The following VDR variants were observed in gnomAD, a reference collection of about 807,000 sequenced individuals.
The protein encoded by VDR is vitamin D3 receptor.
A neutral mutation model predicts 39.7 loss-of-function variants in VDR; 19 were observed. The ratio of observed to expected loss-of-function variants is 0.48; its 90% CI spans 0.33 to 0.70. The LOEUF is 0.70. VDR is among the 30% of genes least tolerant of loss of function. VDR has a pLI of 0.02. For missense variants in VDR, 442 were observed against 570.5 expected, an observed-to-expected ratio of 0.77 and a Z score of 2.29; for synonymous variants, 242 against 215.8, an observed-to-expected ratio of 1.12 and a Z score of -1.07.
intron 1 of VDR, chr12:47,900,022 G>T: frequency 1.1e-6 from 1 of 880,468 alleles, no homozygotes; most frequent in Non-Finnish European, 1.4e-6. Flanking sequence ...ATTGGCCAAT[G>T]GGACAATCAG....
intron 3 of VDR, among the ~76,000 whole-genome samples, chr12:47,866,457 G>A (rs186885551): frequency 1.2e-3 from 176 of 152,288 alleles, no homozygotes; most frequent in Non-Finnish European, 1.8e-3. Flanking sequence ...TTAATGAGCC[G>A]CTATGAGAAG....
intron 1 of VDR, among the ~76,000 whole-genome samples, chr12:47,884,032 C>T (rs925823335): frequency 6.6e-6 from 1 of 152,218 alleles, no homozygotes; most frequent in Non-Finnish European, 1.5e-5. Context: ...CCCTCCTTTG[C>T]CCCCTCTGCT....
At position 47,847,003 on chromosome 12, in the gene VDR, G is replaced by A. The variant is rs556868193; in HGVS notation, c.756-195C>T. 7.9e-5 allele frequency among the ~76,000 whole-genome samples: 12 copies of A among 152,240 alleles called. 1 individual carries two copies. In the South Asian group the frequency reaches 2.1e-3, roughly 26 times the overall value. ...GAGAACAGTTCAACACTGTGATCAT[G>A]TGCCAAGGCCAGAAGTGAAGTAGCT... On this transcript the variant is annotated intron_variant, in intron 7 of 9. Coordinates refer to ENST00000549336, the MANE Select transcript of VDR (RefSeq NM_000376.3).
intron 3 of VDR, 122 bp from the exon 4 acceptor site, chr12:47,865,299 C>T (rs879145780): frequency 6.8e-7 from 1 of 1,463,652 alleles, no homozygotes; most frequent in South Asian, 1.2e-5. Flanking sequence ...ACATGAGGCC[C>T]ACCCCAGCTG....
At chr12:47,857,418 C>T in intron 5 of VDR, 86 bp downstream of exon 5, 1 of 1,607,744 alleles carries the variant, frequency 6.2e-7, no homozygotes, top group Non-Finnish European at 8.5e-7. Flanking sequence ...CAGGATGTCC[C>T]CTGCCCTCTG....
At chr12:47,879,307 C>T (rs986085520) in intron 2 of VDR, among the ~76,000 whole-genome samples, 192 bp from the exon 3 acceptor site, 29 of 150,872 alleles carry the variant, frequency 1.9e-4, no homozygotes, top group Non-Finnish European at 3.4e-4. Context: ...ATACATGATT[C>T]GCCCTACATA....
intron 9 of VDR, among the ~76,000 whole-genome samples, chr12:47,845,290 C>A (rs1027219134): frequency 6.6e-6 from 1 of 151,854 alleles, no homozygotes; most frequent in African/African-American, 2.4e-5. Flanking sequence ...CGTCCCGATG[C>A]GCCATGCTCT....
rs1305123989 is a variant in VDR, at chr12:47,846,355, G to T, written c.1004C>A (p.Ala335Asp). ...LHEEEHVLLM[A>D]ICIVSPDRPG... ...CATACCTGGGGAGACGATGCAGATG[G>T]CCATGAGCAGGACATGCTCCTCCTC... Residue 335 changes from alanine to aspartate, a missense_variant, in exon 9 of 10, where the codon GCC (alanine) becomes GAC (aspartate). Around this residue, in one of 5 missense-constraint regions of VDR, gnomAD observed 173 missense variants for 252.0 expected, o/e 0.69. Transcript: ENST00000549336. 6.2e-7 allele frequency: 1 copy of T among 1,605,910 alleles called. No homozygotes were observed. Among genetic ancestry groups the T allele is most frequent in the Admixed American group, 1.7e-5 (1 of 59,332 alleles).
chr12:47,871,302 C>CTTTCTTTCTTTCTT (rs1945860232), intron 3 of VDR, among the ~76,000 whole-genome samples: 1 of 120,312 alleles, frequency 8.3e-6, no homozygotes, highest in South Asian at 3.0e-4. Context: ...CTCTTTCTTT[C>CTTTCTTTCTTTCTT]TTTCTTTCTT....
intron 4 of VDR, among the ~76,000 whole-genome samples, chr12:47,857,918 G>A (rs1945527817): frequency 6.6e-6 from 1 of 152,152 alleles, no homozygotes. Flanking sequence ...TTTGAGAGGG[G>A]GGATGATCTG....
intron 3 of VDR, among the ~76,000 whole-genome samples, chr12:47,868,635 T>C (rs1945784494): frequency 6.6e-6 from 1 of 152,106 alleles, no homozygotes; most frequent in South Asian, 2.1e-4. Flanking sequence ...GAGATTGGTG[T>C]CCCTCCCACC....
intron 3 of VDR, among the ~76,000 whole-genome samples, chr12:47,874,501 C>A (rs1945959804): frequency 6.6e-6 from 1 of 152,326 alleles, no homozygotes; most frequent in East Asian, 1.9e-4. Flanking sequence ...TCCTCGCCAG[C>A]CTACCTTTTG....
At chr12:47,904,688 C>G in intron 1 of VDR, 1 of 1,505,986 alleles carries the variant, frequency 6.6e-7, no homozygotes, top group Non-Finnish European at 8.9e-7. Context: ...AAGTGCTAAG[C>G]ACTGTGTTAG....
intron 1 of VDR, among the ~76,000 whole-genome samples, chr12:47,884,015 A>G (rs1946209639): frequency 6.6e-6 from 1 of 152,118 alleles, no homozygotes. Flanking sequence ...CGTACCCCCA[A>G]CCCAGGCCCT....
chr12:47,861,904 G>A (rs928414658), intron 4 of VDR, among the ~76,000 whole-genome samples: 1 of 152,204 alleles, frequency 6.6e-6, no homozygotes, highest in African/African-American at 2.4e-5. Flanking sequence ...ACAGGAAGAG[G>A]ACATAAAATG....
intron 3 of VDR, among the ~76,000 whole-genome samples, chr12:47,871,191 C>A (rs909755557): frequency 2.0e-5 from 3 of 152,102 alleles, no homozygotes; most frequent in Admixed American, 6.5e-5. Context: ...GGTCCATGGG[C>A]GCAATGGTGG....
intron 5 of VDR, 45 bp downstream of exon 5, chr12:47,857,459 T>C (rs1945514090): frequency 6.2e-7 from 1 of 1,613,768 alleles, no homozygotes; most frequent in Non-Finnish European, 8.5e-7. Context: ...GCTCCACTAG[T>C]GCTTCTCCTC....
At chr12:47,853,778 C>G (rs1184597762) in intron 7 of VDR, among the ~76,000 whole-genome samples, 2 of 151,970 alleles carry the variant, frequency 1.3e-5, no homozygotes, top group Non-Finnish European at 2.9e-5. Flanking sequence ...AAAAATTAGC[C>G]AGGCATGGTG....
intron 4 of VDR, among the ~76,000 whole-genome samples, chr12:47,863,625 T>C (rs1945668917): frequency 6.6e-6 from 1 of 152,002 alleles, no homozygotes; most frequent in South Asian, 2.1e-4. Context: ...CTTCTTATTC[T>C]CTCCAGGATA....
Sources: gnomAD v4.1 joint callset for allele counts (sites outside exome capture counted in the v4.1 genomes callset) on GRCh38, gnomAD v4.1.1 for gene constraint, gnomAD v4.1.1 regional missense constraint, MANE v1.5 for transcripts, NCBI Gene and HGNC (gene_info 2026-07-23, HGNC 2026-07-21) for gene names.